The following TGDS variants were observed in gnomAD, a reference collection of about 807,000 sequenced individuals.
TGDS encodes UDP-D-glucose 4,6-dehydratase.
In TGDS, 47 loss-of-function variants were observed where a neutral mutation model predicts 52.3. The ratio of observed to expected loss-of-function variants is 0.90; its 90% CI spans 0.71 to 1.15. The LOEUF is 1.15. Ranked by LOEUF, TGDS falls within the 50% of genes most tolerant of loss-of-function variation. The pLI is 0.00. For missense variants in TGDS, 375 were observed against 418.4 expected (o/e 0.90, Z 0.90); for synonymous variants, 115 against 136.9 (o/e 0.84, Z 1.12).
chr13:94,593,778 C>G (rs1051964999), intron 2 of TGDS, 63 bp downstream of exon 2: 5 of 1,207,814 alleles, frequency 4.1e-6, no homozygotes, highest in Middle Eastern at 4.5e-4. Context: ...GATTCTAGTA[C>G]TTTTAGAAAA....
intron 1 of TGDS, among the ~76,000 whole-genome samples, chr13:94,595,136 T>C (rs1889330953): frequency 6.6e-6 from 1 of 151,890 alleles, no homozygotes; most frequent in African/African-American, 2.4e-5. Flanking sequence ...GCTATCTGAA[T>C]AAAAACCAGA....
chr13:94,583,122 T>C lies in TGDS; in HGVS notation c.428A>G (p.Asp143Gly). ...ATCAAGACTGCCACCATATACTTCA[T>C]CTGTGCTGACATAAATAAACTTCTC... is the stretch of plus-strand genomic sequence containing the variant. ...RVEKFIYVST[D>G]EVYGGSLDKE... Residue 143 changes from aspartate (D) to glycine (G), a missense_variant, in exon 5 of 12, where the codon GAT becomes GGT. Physicochemically the swap from Asp to Gly is moderately conservative, Grantham distance 94. Coordinates refer to ENST00000261296, the MANE Select transcript of TGDS (RefSeq NM_014305.4). 6.2e-7 allele frequency: 1 copy of C among 1,613,896 alleles called. No individual in the cohort carries two copies. Among genetic ancestry groups the C allele is most frequent in the Non-Finnish European group, 8.5e-7 (1 of 1,179,908 alleles).
intron 3 of TGDS, among the ~76,000 whole-genome samples, chr13:94,591,297 T>C (rs529895778): frequency 1.3e-5 from 2 of 152,314 alleles, no homozygotes; most frequent in South Asian, 2.1e-4. Flanking sequence ...TATTAAAATA[T>C]ATCTTAGGCT....
At chr13:94,595,681 G>A (rs1351866787) in intron 1 of TGDS, among the ~76,000 whole-genome samples, 2 of 152,058 alleles carry the variant, frequency 1.3e-5, no homozygotes, top group African/African-American at 2.4e-5. Context: ...AAATCGTTTT[G>A]GGGGTGCCTA....
At chr13:94,585,913 G>A (rs538076457) in intron 4 of TGDS, among the ~76,000 whole-genome samples, 3 of 151,814 alleles carry the variant, frequency 2.0e-5, no homozygotes, top group African/African-American at 7.3e-5. Context: ...ACTTTGATAA[G>A]CTAATTACAC....
intron 11 of TGDS, 97 bp from the exon 12 acceptor site, chr13:94,574,949 T>C (rs1888545734): frequency 8.8e-6 from 6 of 683,394 alleles, no homozygotes; most frequent in Non-Finnish European, 1.2e-5. Flanking sequence ...TAGCTAAGTC[T>C]TGCCCATCAG....
At chr13:94,581,049 C>T in intron 6 of TGDS, 42 bp downstream of exon 6, 1 of 1,201,858 alleles carries the variant, frequency 8.3e-7, no homozygotes, top group Non-Finnish European at 1.1e-6. Context: ...ACACTTAAGT[C>T]CAAAGGAAAA....
intron 8 of TGDS, 76 bp downstream of exon 8, chr13:94,578,654 T>C: frequency 7.1e-6 from 8 of 1,125,084 alleles, no homozygotes; most frequent in South Asian, 4.0e-5. Context: ...TAAGACTTTA[T>C]GATATTTAAG....
chr13:94,576,091 T>C (rs1212230487), intron 11 of TGDS, among the ~76,000 whole-genome samples: 1 of 152,204 alleles, frequency 6.6e-6, no homozygotes, highest in Non-Finnish European at 1.5e-5. Context: ...GGTATTTGAT[T>C]AATGCTAACA....
At chr13:94,592,623 T>C (rs1594458137) in intron 2 of TGDS, among the ~76,000 whole-genome samples, 1 of 152,140 alleles carries the variant, frequency 6.6e-6, no homozygotes, top group East Asian at 2.0e-4. Flanking sequence ...CCGGCTAATT[T>C]TTTGTATTTT....
chr13:94,580,740 C>T (rs74104448), intron 6 of TGDS, among the ~76,000 whole-genome samples: 3,333 of 152,256 alleles, frequency 0.022, 129 homozygotes, highest in African/African-American at 0.074. Flanking sequence ...GAACTGAATA[C>T]GAAGAGGTCG....
At chr13:94,575,227 T>A (rs1445798363) in intron 11 of TGDS, among the ~76,000 whole-genome samples, 2 of 151,502 alleles carry the variant, frequency 1.3e-5, no homozygotes, top group Non-Finnish European at 2.9e-5. Flanking sequence ...CAGTGTTTAG[T>A]CGTATAAATA....
At chr13:94,596,160 A>G (rs1461335335), upstream of TGDS, 1 of 1,610,688 alleles carries the variant, frequency 6.2e-7, no homozygotes, top group Non-Finnish European at 8.5e-7. Flanking sequence ...AGTGCCTAGT[A>G]CCGTAAAGAG....
At chr13:94,575,566 G>C (rs1566950594) in intron 11 of TGDS, among the ~76,000 whole-genome samples, 1 of 152,094 alleles carries the variant, frequency 6.6e-6, no homozygotes, top group Non-Finnish European at 1.5e-5. Flanking sequence ...TGGGATTACA[G>C]ATGTGAGCCA....
At chr13:94,575,285 C>CT (rs66717082) in intron 11 of TGDS, among the ~76,000 whole-genome samples, 34,725 of 113,138 alleles carry the variant, frequency 0.31, 6,123 homozygotes, top group African/African-American at 0.51. Context: ...AACTTCCTTG[C>CT]TTTTTTTTTT....
At chr13:94,590,706 A>C in intron 4 of TGDS, 147 bp downstream of exon 4, 1 of 576,130 alleles carries the variant, frequency 1.7e-6, no homozygotes, top group South Asian at 3.2e-5. Context: ...AAAGTATCTA[A>C]AAAGTGCTGA....
rs994916898 is a variant in TGDS at position 94,577,447 on chromosome 13, G to C, written c.826-18C>G. On this transcript the variant is annotated intron_variant, in intron 9 of 11. Transcript: ENST00000261296. Reference sequence around the variant, plus strand: ...TCTTTGATCTGTCAAAATGGAAAAAGCTTTTGAGTCAAATTATAAAATGAG... The same window carrying C: ...TCTTTGATCTGTCAAAATGGAAAAACCTTTTGAGTCAAATTATAAAATGAG... The C allele has an allele frequency of 2.6e-6, 4 of 1,542,256 alleles. No homozygotes were observed. Among genetic ancestry groups the C allele is most frequent in the Non-Finnish European group, 2.6e-6 (3 of 1,153,608 alleles).
At chr13:94,584,511 C>T (rs1243817476) in intron 4 of TGDS, among the ~76,000 whole-genome samples, 1 of 152,184 alleles carries the variant, frequency 6.6e-6, no homozygotes, top group Admixed American at 6.5e-5. Flanking sequence ...TCAGTATAAA[C>T]CCATGTCATA....
intron 7 of TGDS, 137 bp downstream of exon 7, chr13:94,579,757 A>G (rs1888721186): frequency 8.1e-6 from 4 of 496,566 alleles, no homozygotes; most frequent in Non-Finnish European, 1.1e-5. Flanking sequence ...GGAATCTGCA[A>G]GTGGTGTTAT....
Sources: allele counts gnomAD v4.1 joint callset (sites outside exome capture counted in the v4.1 genomes callset), GRCh38; gene constraint gnomAD v4.1.1; transcripts MANE v1.5; gene names NCBI Gene and HGNC (gene_info 2026-07-23, HGNC 2026-07-21).